The following CPAMD8 variants were observed in gnomAD, a reference collection of about 807,000 sequenced individuals.
CPAMD8 encodes the protein C3 and PZP like alpha-2-macroglobulin domain containing 8.
Under a neutral mutation model 224.7 loss-of-function variants are expected in CPAMD8, and 146 were observed. The observed-to-expected ratio is 0.65, with a 90% CI of 0.57 to 0.75. CPAMD8 has a LOEUF of 0.75. Among genes scored for constraint, CPAMD8 ranks in the 30% least tolerant of loss-of-function variants. CPAMD8 has a pLI of 0.00. For synonymous variants in CPAMD8, 966 were observed against 1,044.6 expected (o/e 0.92, Z 1.45); for missense variants, 2,301 against 2,537.5 (o/e 0.91, Z 2.00).
intron 35 of CPAMD8, 94 bp from the exon 36 acceptor site, chr19:16,901,391 G>A: frequency 2.3e-6 from 2 of 858,080 alleles, no homozygotes; most frequent in Non-Finnish European, 1.9e-6. Context: ...CACAGCTGAT[G>A]TCCCAGGAAG....
chr19:16,961,932 A>T (rs2054671926), intron 18 of CPAMD8, among the ~76,000 whole-genome samples: 1 of 152,166 alleles, frequency 6.6e-6, no homozygotes, highest in Admixed American at 6.5e-5. Context: ...ACTCCAACAG[A>T]CCTGCAGCTG....
chr19:16,990,852 A>C (rs1010596459), intron 12 of CPAMD8, among the ~76,000 whole-genome samples: 1 of 139,260 alleles, frequency 7.2e-6, no homozygotes, highest in African/African-American at 2.7e-5. Context: ...AATAAGAGCA[A>C]AACTCTGTCT....
intron 30 of CPAMD8, 128 bp downstream of exon 30, chr19:16,906,824 C>T (rs2052536064): frequency 2.1e-6 from 2 of 953,144 alleles, no homozygotes; most frequent in South Asian, 1.6e-5. Context: ...ATTCTCCTGC[C>T]TCAGCCTCCT....
chr19:16,992,688 G>T (rs1390188351), intron 12 of CPAMD8, among the ~76,000 whole-genome samples: 1 of 152,094 alleles, frequency 6.6e-6, no homozygotes, highest in Non-Finnish European at 1.5e-5. Context: ...CTGACCTCAG[G>T]TGATCCATCT....
intron 21 of CPAMD8, among the ~76,000 whole-genome samples, chr19:16,946,578 T>C (rs2054102740): frequency 6.9e-6 from 1 of 144,576 alleles, no homozygotes; most frequent in African/African-American, 2.6e-5. Context: ...TGTGTGTGTA[T>C]ATGCACGTCT....
chr19:16,989,832 GGATGCTTCTGC>G, intron 12 of CPAMD8, 61 bp from the exon 13 acceptor site: 1 of 1,527,094 alleles, frequency 6.5e-7, no homozygotes, highest in Non-Finnish European at 9.0e-7. Flanking sequence ...GGGGTCTTGG[GGATGCTTCTGC>G]TTGCTCTGCC....
rs2052860854 is a variant in CPAMD8, at chr19:16,914,518, C to A, written c.3787-20G>T. The stretch of plus-strand genomic sequence containing the variant: ...CCCACCCTGCAAGGGGACTCACAGG[C>A]CTCACCCTAAGCCAAAGGAGACAGT... On this transcript the variant is annotated intron_variant, in intron 28 of 41. Transcript: ENST00000443236. 2 of 1,613,478 alleles carry A rather than the reference C, an allele frequency of 1.2e-6. No homozygotes were observed. Among genetic ancestry groups the A allele is most frequent in the Non-Finnish European group, 1.7e-6 (2 of 1,179,400 alleles).
chr19:16,978,748 T>A (rs116323407), intron 14 of CPAMD8, among the ~76,000 whole-genome samples: 1,613 of 152,160 alleles, frequency 0.011, 19 homozygotes, highest in African/African-American at 0.028. Context: ...TGTCTATCTA[T>A]CCATCCATCC....
Position 16,997,096 on chromosome 19 carries a change from T to C in CPAMD8, c.1095+15A>G, listed in dbSNP as rs1280696883. 1.3e-6 allele frequency: 2 copies of C among 1,566,356 alleles called. No homozygotes were observed. The highest frequency in any genetic ancestry group is 1.8e-6 in the Non-Finnish European group (2 of 1,136,738). ...GGTCCTTGGGCGGGAGGCAGCACAG[T>C]CACCCCCAAGTTACCTTCCCCACGT... is the stretch of plus-strand genomic sequence containing the variant. On this transcript the variant is annotated intron_variant, in intron 11 of 41. Coordinates refer to ENST00000443236, the MANE Select transcript of CPAMD8 (RefSeq NM_015692.5).
rs917114208 is a variant in CPAMD8 at position 16,924,905 on chromosome 19, G to A, written c.3547+291C>T. Among the ~76,000 whole-genome samples, 8 of 152,100 alleles carry A rather than the reference G, an allele frequency of 5.3e-5. 1 individual carries two copies. The highest frequency in any genetic ancestry group is 6.5e-5 in the Admixed American group (1 of 15,270). ...TGGCCTTCTCTTTTATTTTCTAAAT[G>A]TTATTTTTAATAATGCTGTTATATT... On this transcript the variant is annotated intron_variant, in intron 26 of 41. Coordinates refer to ENST00000443236, the MANE Select transcript of CPAMD8 (RefSeq NM_015692.5).
At chr19:16,912,855 G>A (rs575441355) in intron 29 of CPAMD8, among the ~76,000 whole-genome samples, 9 of 152,226 alleles carry the variant, frequency 5.9e-5, no homozygotes, top group African/African-American at 2.2e-4. Flanking sequence ...TTCCAGAGGA[G>A]AGAACAAACG....
intron 27 of CPAMD8, among the ~76,000 whole-genome samples, chr19:16,919,923 C>T (rs1360499202): frequency 1.3e-5 from 2 of 152,176 alleles, no homozygotes; most frequent in Non-Finnish European, 2.9e-5. Context: ...ATGCTTATCC[C>T]ATGGATCCAG....
intron 41 of CPAMD8, chr19:16,895,189 C>T (rs969061298): frequency 6.6e-5 from 10 of 152,544 alleles, no homozygotes; most frequent in African/African-American, 2.4e-4. Flanking sequence ...GCGGGTGGAT[C>T]ACCTGAGGTC....
At chr19:16,968,733 A>G (rs905239578) in intron 18 of CPAMD8, among the ~76,000 whole-genome samples, 1 of 152,080 alleles carries the variant, frequency 6.6e-6, no homozygotes, top group African/African-American at 2.4e-5. Context: ...CAACCTTCCC[A>G]GGCTCAAGCA....
chr19:16,977,915 C>A (rs1008805509), intron 14 of CPAMD8, among the ~76,000 whole-genome samples: 4 of 152,168 alleles, frequency 2.6e-5, no homozygotes, highest in South Asian at 2.1e-4. Flanking sequence ...GACCTCCAGT[C>A]CCTCCCTCTG....
At chr19:16,906,550 C>G (rs1407129329) in intron 30 of CPAMD8, among the ~76,000 whole-genome samples, 1 of 150,014 alleles carries the variant, frequency 6.7e-6, no homozygotes, top group Non-Finnish European at 1.5e-5. Context: ...GTTATAGGCA[C>G]CTGCCACCAC....
intron 32 of CPAMD8, 147 bp downstream of exon 32, chr19:16,904,079 T>G (rs915064639): frequency 3.0e-6 from 3 of 1,008,000 alleles, no homozygotes; most frequent in Non-Finnish European, 4.3e-6. Context: ...GGGGCATCTG[T>G]CCCTCACCCC....
intron 3 of CPAMD8, among the ~76,000 whole-genome samples, chr19:17,014,914 A>G (rs1038441879): frequency 5.3e-5 from 8 of 152,198 alleles, no homozygotes; most frequent in Admixed American, 5.2e-4. Context: ...CAAGCAGATC[A>G]CCTGGGGAGC....
In CPAMD8 at chr19:16,898,054, C is replaced by G. The variant is rs1236853646; in HGVS notation, c.4849-60G>C. 2.3e-6 allele frequency: 3 copies of G among 1,280,494 alleles called. No individual in the cohort carries two copies. In the East Asian group the frequency reaches 7.3e-5, roughly 31 times the overall value. 79.3% of individuals were successfully genotyped at this position (1,280,494 alleles called of 1,614,324 possible). A position where few individuals can be genotyped will look rare whatever the true frequency, so the allele number is the denominator to read the frequency against. ...GCCAGGAGGCCCGGGGCGCTGAGCTCAGGCCCAGAACTGGCTGATTTCAGG... is the reference window on the plus strand; with the variant it reads ...GCCAGGAGGCCCGGGGCGCTGAGCTGAGGCCCAGAACTGGCTGATTTCAGG... On this transcript the variant is annotated intron_variant, in intron 37 of 41. Coordinates refer to ENST00000443236, the MANE Select transcript of CPAMD8 (RefSeq NM_015692.5). The surrounding 1 kb of genome is among the most constrained non-coding windows in gnomAD (Gnocchi z 4.2).
Sources: allele counts gnomAD v4.1 joint callset (sites outside exome capture counted in the v4.1 genomes callset), GRCh38; gene constraint gnomAD v4.1.1; non-coding constraint Gnocchi (gnomAD v3.1); transcripts MANE v1.5; gene names NCBI Gene and HGNC (gene_info 2026-07-23, HGNC 2026-07-21).